MGAT4C: variants seen among roughly 807,000 people sequenced by gnomAD.
The protein encoded by MGAT4C is alpha-1,3-mannosyl-glycoprotein 4-beta-N-acetylglucosaminyltransferase C.
In MGAT4C, 19 loss-of-function variants were observed where a neutral mutation model predicts 40.1. The ratio of observed to expected loss-of-function variants is 0.47; its 90% CI spans 0.33 to 0.70. The LOEUF (loss-of-function observed/expected upper bound fraction) is 0.70, where lower values mean the gene tolerates loss of function less well. Ranked by LOEUF, MGAT4C falls within the 30% of genes least tolerant of loss-of-function variation. The probability of loss-of-function intolerance (pLI) is 0.02; values close to 1 mark genes in which losing one functional copy is unlikely to be tolerated. For missense variants in MGAT4C, 491 were observed against 563.2 expected (o/e 0.87, Z 1.30); for synonymous variants, 181 against 187.1 (o/e 0.97, Z 0.27).
chr12:86,754,316 G>A (rs528359636), intron 1 of MGAT4C, among the ~76,000 whole-genome samples: 2 of 152,164 alleles, frequency 1.3e-5, no homozygotes, highest in South Asian at 4.1e-4. Flanking sequence ...GCAGCTAAGT[G>A]GTTGCTAGCA....
intron 1 of MGAT4C, among the ~76,000 whole-genome samples, chr12:86,774,709 A>T (rs964634192): frequency 6.6e-6 from 1 of 152,034 alleles, no homozygotes; most frequent in African/African-American, 2.4e-5. Flanking sequence ...ACTATAAAAG[A>T]TTTTAATTTA....
At chr12:86,397,363 T>C (rs1469336728) in intron 3 of MGAT4C, among the ~76,000 whole-genome samples, 1 of 152,134 alleles carries the variant, frequency 6.6e-6, no homozygotes, top group African/African-American at 2.4e-5. Flanking sequence ...TGAATCAACT[T>C]GATTTTTTTG....
chr12:86,511,989 C>T (rs1303880635), intron 2 of MGAT4C, among the ~76,000 whole-genome samples: 2 of 151,752 alleles, frequency 1.3e-5, no homozygotes, highest in Non-Finnish European at 2.9e-5. Context: ...ATTTGCAATC[C>T]ATATATCTGA....
chr12:86,704,630 T>C (rs889871389), intron 2 of MGAT4C, among the ~76,000 whole-genome samples: 5 of 152,110 alleles, frequency 3.3e-5, no homozygotes, highest in Non-Finnish European at 7.4e-5. Flanking sequence ...ACTTCAGCTA[T>C]TTCCTTCAGT....
intron 3 of MGAT4C, among the ~76,000 whole-genome samples, chr12:86,355,551 T>G (rs2136195807): frequency 6.6e-6 from 1 of 152,250 alleles, no homozygotes; most frequent in African/African-American, 2.4e-5. Flanking sequence ...TAAAACCTTT[T>G]AGGCAAGTGG....
At chr12:86,751,310 A>C (rs1385973375) in intron 1 of MGAT4C, among the ~76,000 whole-genome samples, 4 of 151,906 alleles carry the variant, frequency 2.6e-5, no homozygotes, top group Non-Finnish European at 5.9e-5. Flanking sequence ...ATTTTCTTGT[A>C]CTCTACATTT....
chr12:86,377,943 A>C (rs1401717110), intron 3 of MGAT4C, among the ~76,000 whole-genome samples: 3 of 152,188 alleles, frequency 2.0e-5, no homozygotes, highest in Admixed American at 6.5e-5. Flanking sequence ...TACTTTATAT[A>C]AGTTGAATCA....
intron 2 of MGAT4C, among the ~76,000 whole-genome samples, chr12:86,711,830 T>C (rs1022394517): frequency 1.3e-5 from 2 of 152,148 alleles, no homozygotes; most frequent in African/African-American, 2.4e-5. Flanking sequence ...AATGAAAATG[T>C]GAAACCCCTT....
chr12:86,255,269 A>G (rs1324744099), intron 1 of MGAT4C, among the ~76,000 whole-genome samples: 2 of 152,116 alleles, frequency 1.3e-5, no homozygotes, highest in Non-Finnish European at 2.9e-5. Flanking sequence ...TAACAACAGT[A>G]TGCTACTTTA....
At chr12:86,167,225 T>C (rs1886287915) in intron 1 of MGAT4C, among the ~76,000 whole-genome samples, 1 of 152,204 alleles carries the variant, frequency 6.6e-6, no homozygotes, top group South Asian at 2.1e-4. Flanking sequence ...AAGAAATGTT[T>C]ACAAATGAGA....
At chr12:86,057,347 G>A (rs981684974) in intron 1 of MGAT4C, among the ~76,000 whole-genome samples, 4 of 152,040 alleles carry the variant, frequency 2.6e-5, no homozygotes, top group African/African-American at 9.7e-5. Flanking sequence ...AAACTCTGCT[G>A]CCAAAAGGAA....
chr12:86,117,112 T>A (rs1264206149), intron 1 of MGAT4C, among the ~76,000 whole-genome samples: 3 of 152,132 alleles, frequency 2.0e-5, no homozygotes, highest in African/African-American at 7.2e-5. Context: ...GTTCAGTTAA[T>A]TTCACAAGGG....
intron 1 of MGAT4C, among the ~76,000 whole-genome samples, chr12:86,779,603 A>AAATAATGAT: frequency 6.7e-6 from 1 of 149,068 alleles, no homozygotes; most frequent in South Asian, 2.1e-4. Context: ...ACTTGTCTCA[A>AAATAATGAT]AATAATAATA....
intron 1 of MGAT4C, among the ~76,000 whole-genome samples, chr12:86,153,781 TC>T (rs1205007637): frequency 6.6e-6 from 1 of 152,216 alleles, no homozygotes; most frequent in Admixed American, 6.5e-5. Flanking sequence ...ATTGTAAGTT[TC>T]CTGAGGCCTC....
intron 2 of MGAT4C, among the ~76,000 whole-genome samples, chr12:86,575,221 C>G (rs1565859575): frequency 6.9e-6 from 1 of 145,044 alleles, no homozygotes; most frequent in Admixed American, 7.2e-5. Context: ...CTTTGAGTTA[C>G]AATCCAATTG....
rs1412851315 is a variant in MGAT4C, at chr12:86,611,311, C to G, written c.-229+115898G>C. On this transcript the variant is annotated intron_variant, in intron 2 of 7. Transcript: ENST00000548651. ...TTCTGGAATCTCTACAGCAGATACG[C>G]AAAGACGTGCAGACACACACACACA... Among the ~76,000 whole-genome samples, 5 of 151,876 alleles carry G rather than the reference C, an allele frequency of 3.3e-5. No homozygotes were observed. In the East Asian group the frequency reaches 9.7e-4, roughly 29 times the overall value.
At chr12:86,203,506 A>G (rs1950128242) in intron 1 of MGAT4C, among the ~76,000 whole-genome samples, 1 of 151,184 alleles carries the variant, frequency 6.6e-6, no homozygotes, top group African/African-American at 2.5e-5. Context: ...AGAATTATGT[A>G]TCTTCTCTCT....
At chr12:86,796,486 C>A (rs1322573069) in intron 1 of MGAT4C, among the ~76,000 whole-genome samples, 3 of 151,882 alleles carry the variant, frequency 2.0e-5, no homozygotes, top group African/African-American at 4.8e-5. Flanking sequence ...TACAGCATAA[C>A]CTCACTCCTT....
chr12:86,240,041 A>AAAAAT (rs1231482347), intron 1 of MGAT4C, among the ~76,000 whole-genome samples: 1 of 69,836 alleles, frequency 1.4e-5, no homozygotes, highest in African/African-American at 6.9e-5. Context: ...AAAAAAAATA[A>AAAAAT]AAAATAAAAT....
Sources: gnomAD v4.1 joint callset for allele counts (sites outside exome capture counted in the v4.1 genomes callset) on GRCh38, gnomAD v4.1.1 for gene constraint, MANE v1.5 for transcripts, NCBI Gene and HGNC (gene_info 2026-07-23, HGNC 2026-07-21) for gene names.